Variants in FRAS1 observed in about 807,000 individuals in gnomAD.
The protein encoded by FRAS1 is Fraser extracellular matrix complex subunit 1.
A neutral mutation model predicts 435.2 loss-of-function variants in FRAS1; 290 were observed. The ratio of observed to expected loss-of-function variants is 0.67; its 90% CI spans 0.61 to 0.73. The LOEUF is 0.73. Ranked by LOEUF, FRAS1 falls within the 30% of genes least tolerant of loss-of-function variation. FRAS1 has a pLI of 0.00. For missense variants in FRAS1, 4,860 were observed against 5,001.5 expected, an observed-to-expected ratio of 0.97 and a Z score of 0.85; for synonymous variants, 1,800 against 1,851.0, an observed-to-expected ratio of 0.97 and a Z score of 0.71.
At chr4:78,456,608 A>G (rs1328936260) in intron 47 of FRAS1, among the ~76,000 whole-genome samples, 2 of 152,184 alleles carry the variant, frequency 1.3e-5, no homozygotes, top group African/African-American at 2.4e-5. Context: ...TTTCCAGGAC[A>G]ACACTGGTTT....
intron 62 of FRAS1, 58 bp from the exon 63 acceptor site, chr4:78,508,673 T>A: frequency 6.3e-7 from 1 of 1,583,216 alleles, no homozygotes. Flanking sequence ...AAAGGGGGCT[T>A]AGTTCTCTGA....
At chr4:78,214,669 G>T (rs1241652234) in intron 2 of FRAS1, among the ~76,000 whole-genome samples, 2 of 152,232 alleles carry the variant, frequency 1.3e-5, no homozygotes, top group Admixed American at 6.5e-5. Context: ...CAAGCCAATA[G>T]GTTGCTTGTG....
intron 50 of FRAS1, among the ~76,000 whole-genome samples, chr4:78,469,365 G>T (rs1162239530): frequency 1.3e-5 from 2 of 152,062 alleles, no homozygotes; most frequent in Non-Finnish European, 2.9e-5. Context: ...GTGAGAATGG[G>T]ATTATAAATG....
At chr4:78,146,748 A>G (rs1720437240) in intron 2 of FRAS1, among the ~76,000 whole-genome samples, 1 of 152,176 alleles carries the variant, frequency 6.6e-6, no homozygotes, top group Non-Finnish European at 1.5e-5. Context: ...TTTCTGTTAA[A>G]TGAGTTTTTA....
At chr4:78,071,231 TGTGTG>T (rs1740335469) in intron 2 of FRAS1, 1 of 152,224 alleles carries the variant, frequency 6.6e-6, no homozygotes, top group Non-Finnish European at 1.5e-5. Context: ...ACATACATGC[TGTGTG>T]GTCTCAGATA....
intron 32 of FRAS1, 65 bp from the exon 33 acceptor site, chr4:78,418,884 T>A: frequency 1.1e-6 from 1 of 917,842 alleles, no homozygotes; most frequent in South Asian, 1.6e-5. Context: ...TAATAAGGTC[T>A]GTTTTTGCCT....
intron 2 of FRAS1, among the ~76,000 whole-genome samples, chr4:78,137,421 T>A (rs1007171775): frequency 3.9e-5 from 6 of 152,208 alleles, no homozygotes; most frequent in Non-Finnish European, 7.4e-5. Context: ...TTAGGCATAA[T>A]GAAGGAAAGA....
At chr4:78,317,566 T>A in intron 17 of FRAS1, 58 bp downstream of exon 17, 1 of 1,488,254 alleles carries the variant, frequency 6.7e-7, no homozygotes, top group East Asian at 2.3e-5. Flanking sequence ...ATAGATTTAC[T>A]TTTTTCCAAT....
intron 72 of FRAS1, among the ~76,000 whole-genome samples, chr4:78,538,894 G>C (rs1292736455): frequency 1.3e-5 from 2 of 150,842 alleles, no homozygotes; most frequent in Admixed American, 6.6e-5. Flanking sequence ...GGTGGAGCCA[G>C]CAGTGAGCTG....
At chr4:78,456,117 T>C (rs542849361) in intron 47 of FRAS1, among the ~76,000 whole-genome samples, 1 of 149,110 alleles carries the variant, frequency 6.7e-6, no homozygotes, top group East Asian at 2.0e-4. Context: ...TTTAGGAGCA[T>C]TACTTGAAGA....
In FRAS1 at chr4:78,145,694, A is replaced by G. The variant is rs370496853; in HGVS notation, c.108+79678A>G. ...TTCTTATTGAAAAAACTATATAAGA[A>G]CTACATCAAGAGATTCTTAAAAAGT... is the stretch of plus-strand genomic sequence containing the variant. On this transcript the variant is annotated intron_variant, in intron 2 of 73. Coordinates refer to ENST00000512123, the MANE Select transcript of FRAS1 (RefSeq NM_025074.7). 4.0e-4 allele frequency among the ~76,000 whole-genome samples: 61 copies of G among 152,298 alleles called. 2 individuals are homozygous for G. The highest frequency in any genetic ancestry group is 1.4e-3 in the African/African-American group (59 of 41,564).
intron 20 of FRAS1, among the ~76,000 whole-genome samples, chr4:78,363,278 G>C (rs536064591): frequency 7.9e-5 from 12 of 152,150 alleles, no homozygotes; most frequent in Non-Finnish European, 1.6e-4. Flanking sequence ...CATTCCGTTG[G>C]AAAGGGATGA....
intron 17 of FRAS1, among the ~76,000 whole-genome samples, chr4:78,318,554 ATTTG>A (rs930834450): frequency 1.3e-5 from 2 of 152,112 alleles, no homozygotes; most frequent in African/African-American, 4.8e-5. Flanking sequence ...GTTTTTGCTC[ATTTG>A]TTTGTTTGTT....
At chr4:78,201,482 C>T (rs1723047011) in intron 2 of FRAS1, among the ~76,000 whole-genome samples, 1 of 152,072 alleles carries the variant, frequency 6.6e-6, no homozygotes, top group African/African-American at 2.4e-5. Flanking sequence ...TGGGTCATGC[C>T]CTCCCATCTT....
At chr4:78,061,439 T>C (rs1200182267) in intron 1 of FRAS1, among the ~76,000 whole-genome samples, 1 of 152,150 alleles carries the variant, frequency 6.6e-6, no homozygotes, top group African/African-American at 2.4e-5. Context: ...GGAAACATCA[T>C]TGAATTGGAG....
intron 14 of FRAS1, among the ~76,000 whole-genome samples, chr4:78,294,194 G>A (rs1011568389): frequency 6.6e-6 from 1 of 152,180 alleles, no homozygotes; most frequent in South Asian, 2.1e-4. Context: ...CCTCCTTGTT[G>A]TTGCTGCTGA....
intron 2 of FRAS1, among the ~76,000 whole-genome samples, chr4:78,093,900 T>G (rs2109904092): frequency 6.6e-6 from 1 of 152,264 alleles, no homozygotes; most frequent in African/African-American, 2.4e-5. Context: ...TTTTAATAGA[T>G]TCTATATTAT....
At position 78,267,308 on chromosome 4, in the gene FRAS1, C is replaced by T; in HGVS notation, c.857C>T (p.Ser286Phe). 1 of 1,613,828 alleles carries T rather than the reference C, an allele frequency of 6.2e-7. No homozygotes were observed. The highest frequency in any genetic ancestry group is 8.5e-7 in the Non-Finnish European group (1 of 1,179,860). Residue 286 changes from serine (S) to phenylalanine (F), a missense_variant, in exon 9 of 74, where the codon TCC (serine) becomes TTC (phenylalanine). By Grantham distance (155) the Ser-to-Phe change is radical. Transcript: ENST00000512123. ...EECVSPAGSC[S>F]YDGVVRYQDE... is the part of the protein sequence containing the mutation. ...TGTGTGTCTCCTGCCGGGAGCTGCT[C>T]CTATGATGGAGTTGTGCGGTACCAG...
intron 14 of FRAS1, among the ~76,000 whole-genome samples, chr4:78,296,898 C>T (rs1289919549): frequency 6.6e-6 from 1 of 152,216 alleles, no homozygotes; most frequent in Non-Finnish European, 1.5e-5. Flanking sequence ...AACTTGCCAT[C>T]TCTCCATGTC....
Sources: gnomAD v4.1 joint callset for allele counts (sites outside exome capture counted in the v4.1 genomes callset) on GRCh38, gnomAD v4.1.1 for gene constraint, MANE v1.5 for transcripts, NCBI Gene and HGNC (gene_info 2026-07-23, HGNC 2026-07-21) for gene names.